Variants in MAP4K4 observed in about 807,000 individuals in gnomAD.
The protein encoded by MAP4K4 is HPK/GCK-like kinase HGK.
In MAP4K4, 38 loss-of-function variants were observed where a neutral mutation model predicts 189.6. The ratio of observed to expected loss-of-function variants is 0.20; its 90% CI spans 0.15 to 0.26. The LOEUF is 0.26. MAP4K4 is among the 10% of genes least tolerant of loss of function. The probability of loss-of-function intolerance (pLI) is 1.00; values close to 1 mark genes in which losing one functional copy is unlikely to be tolerated. For missense variants in MAP4K4, 1,054 were observed against 1,726.9 expected, an observed-to-expected ratio of 0.61 and a Z score of 6.91; for synonymous variants, 610 against 624.3, an observed-to-expected ratio of 0.98 and a Z score of 0.34.
intron 2 of MAP4K4, among the ~76,000 whole-genome samples, chr2:101,784,752 A>C (rs1325819593): frequency 6.6e-6 from 1 of 152,162 alleles, no homozygotes; most frequent in Non-Finnish European, 1.5e-5. Context: ...TATCTATTAA[A>C]ATGTTATAGA....
At chr2:101,800,888 TGA>T (rs1299272251) in intron 3 of MAP4K4, among the ~76,000 whole-genome samples, 1 of 152,238 alleles carries the variant, frequency 6.6e-6, no homozygotes. Context: ...TAATTGTTAA[TGA>T]GCATTCTTCA....
chr2:101,873,504 A>C, intron 24 of MAP4K4, 143 bp from the exon 25 acceptor site: 1 of 557,462 alleles, frequency 1.8e-6, no homozygotes, highest in Non-Finnish European at 3.2e-6. Flanking sequence ...CTCCCCGCAG[A>C]GCATTTTTTG....
At chr2:101,755,041 C>T (rs887948195) in intron 2 of MAP4K4, among the ~76,000 whole-genome samples, 2 of 152,108 alleles carry the variant, frequency 1.3e-5, no homozygotes, top group South Asian at 2.1e-4. Flanking sequence ...TCTATATGGG[C>T]AGCTGCTTCA....
intron 3 of MAP4K4, among the ~76,000 whole-genome samples, chr2:101,798,507 C>G (rs980513923): frequency 6.6e-6 from 1 of 152,170 alleles, no homozygotes; most frequent in Non-Finnish European, 1.5e-5. Context: ...AAAGTCTTCA[C>G]TTTATTTATG....
intron 2 of MAP4K4, among the ~76,000 whole-genome samples, chr2:101,741,593 A>G (rs1322806099): frequency 6.6e-6 from 1 of 151,670 alleles, no homozygotes; most frequent in African/African-American, 2.4e-5. Flanking sequence ...CCCCAACCTT[A>G]ATCTTTCAGT....
chr2:101,697,716 A>ACT lies in MAP4K4; in HGVS notation c.-363_-362dup, dbSNP rs200434935. 0.75 allele frequency: 109,577 copies of ACT among 145,406 alleles called. 41,690 individuals carry two copies. Among genetic ancestry groups the ACT allele is most frequent in the African/African-American group, 0.88 (35,257 of 40,090 alleles). 9.0% of individuals were successfully genotyped at this position (145,406 alleles called of 1,614,324 possible). On this transcript the variant is annotated 5_prime_UTR_variant, in exon 1 of 33. Transcript: ENST00000324219. The stretch of plus-strand genomic sequence containing the variant: ...TCGCTGCCTCGCGCTCACTCGCTCA[A>ACT]CTCGGCGCCGCCGCGGCCCCACGCT...
chr2:101,882,947 C>G (rs898253778), intron 28 of MAP4K4, among the ~76,000 whole-genome samples: 4 of 152,210 alleles, frequency 2.6e-5, no homozygotes, highest in African/African-American at 4.8e-5. Flanking sequence ...GTCTCCCCCA[C>G]GCTGTGCATC....
chr2:101,787,320 C>A (rs954004865), intron 2 of MAP4K4, among the ~76,000 whole-genome samples: 2 of 152,250 alleles, frequency 1.3e-5, no homozygotes, highest in African/African-American at 4.8e-5. Flanking sequence ...TAATAGATGT[C>A]TACCCCCAAA....
intron 2 of MAP4K4, among the ~76,000 whole-genome samples, chr2:101,713,552 C>T (rs182292190): frequency 1.3e-3 from 186 of 146,226 alleles, no homozygotes; most frequent in African/African-American, 4.5e-3. Context: ...GCTGAGATCA[C>T]GCCACTGCAC....
chr2:101,797,499 T>C, intron 3 of MAP4K4: 1 of 842,834 alleles, frequency 1.2e-6, no homozygotes, highest in East Asian at 6.5e-5. Flanking sequence ...AAAACTAATG[T>C]GCCATGTTTG....
At chr2:101,811,648 G>T (rs2095437957) in intron 3 of MAP4K4, among the ~76,000 whole-genome samples, 1 of 152,032 alleles carries the variant, frequency 6.6e-6, no homozygotes, top group Admixed American at 6.6e-5. Context: ...TCCCTGTCCT[G>T]CCCCTGCTTG....
chr2:101,699,516 C>G (rs551769081), intron 2 of MAP4K4, among the ~76,000 whole-genome samples: 88 of 152,264 alleles, frequency 5.8e-4, no homozygotes, highest in Middle Eastern at 3.4e-3. Flanking sequence ...GGGGAGTGTT[C>G]TGTTAGAGTC....
rs771391146 is a variant in MAP4K4 at position 101,870,360 on chromosome 2, T to C, written c.2705T>C (p.Val902Ala). ...AAAACCATGATTGTCCATGATGATGTAGAAAGTGAGCCGGCCATGACCCCA... is the reference window on the plus strand; with the variant it reads ...AAAACCATGATTGTCCATGATGATGCAGAAAGTGAGCCGGCCATGACCCCA... Residue 902 changes from valine (V) to alanine (A), a missense_variant, in exon 23 of 33, where the codon GTA (valine) becomes GCA (alanine). This residue lies in a region of MAP4K4 where 646 missense variants were observed against 796.2 expected (regional missense o/e 0.81). Transcript: ENST00000324219. The C allele has an allele frequency of 1.9e-6, 3 of 1,613,552 alleles. No homozygotes were observed. Among genetic ancestry groups the C allele is most frequent in the African/African-American group, 2.7e-5 (2 of 74,914 alleles).
At chr2:101,711,548 C>T (rs945217018) in intron 2 of MAP4K4, among the ~76,000 whole-genome samples, 2 of 152,126 alleles carry the variant, frequency 1.3e-5, no homozygotes, top group Non-Finnish European at 2.9e-5. Flanking sequence ...AGCCATTGGG[C>T]CTGGCCTTGC....
At chr2:101,705,485 A>G (rs1161055228) in intron 2 of MAP4K4, among the ~76,000 whole-genome samples, 1 of 152,238 alleles carries the variant, frequency 6.6e-6, no homozygotes, top group Non-Finnish European at 1.5e-5. Flanking sequence ...CAACCTCATC[A>G]GCAGGGCTTC....
At chr2:101,838,918 T>G (rs13432212) in intron 9 of MAP4K4, among the ~76,000 whole-genome samples, 5,107 of 152,286 alleles carry the variant, frequency 0.034, 293 homozygotes, top group African/African-American at 0.11. Context: ...TGCCTAGTGT[T>G]GAGCATTGCC....
At chr2:101,704,495 T>A (rs1328617752) in intron 2 of MAP4K4, among the ~76,000 whole-genome samples, 2 of 148,636 alleles carry the variant, frequency 1.3e-5, no homozygotes, top group East Asian at 3.9e-4. Context: ...AACTCGTATT[T>A]TGCCTTTTTT....
At chr2:101,827,202 G>A (rs2096401032) in intron 5 of MAP4K4, among the ~76,000 whole-genome samples, 1 of 152,144 alleles carries the variant, frequency 6.6e-6, no homozygotes, top group South Asian at 2.1e-4. Flanking sequence ...TGTGGTACGT[G>A]AATGAACATC....
intron 12 of MAP4K4, among the ~76,000 whole-genome samples, chr2:101,847,367 G>A (rs148738649): frequency 4.6e-5 from 7 of 152,272 alleles, no homozygotes; most frequent in African/African-American, 1.7e-4. Flanking sequence ...AGAGCCTTAG[G>A]CAGGTCCTTC....
Sources: gnomAD v4.1 joint callset for allele counts (sites outside exome capture counted in the v4.1 genomes callset) on GRCh38, gnomAD v4.1.1 for gene constraint, gnomAD v4.1.1 regional missense constraint, MANE v1.5 for transcripts, NCBI Gene and HGNC (gene_info 2026-07-23, HGNC 2026-07-21) for gene names.